The following ZNF732 variants were observed in gnomAD, a reference collection of about 807,000 sequenced individuals.
ZNF732 encodes zinc finger protein 732.
A neutral mutation model predicts 11.5 loss-of-function variants in ZNF732; 12 were observed. The observed-to-expected ratio is 1.05, with a 90% CI of 0.67 to 1.70. ZNF732 has a LOEUF of 1.70. Among genes scored for constraint, ZNF732 ranks in the 40% most tolerant of loss-of-function variants. The pLI, the probability that ZNF732 is intolerant of heterozygous loss-of-function variation, is 0.00. For missense variants in ZNF732, 702 were observed against 676.9 expected (o/e 1.04, Z -0.41); for synonymous variants, 231 against 236.5 (o/e 0.98, Z 0.21).
chr4:290,593 C>T (rs1456631702), intron 3 of ZNF732, among the ~76,000 whole-genome samples: 3 of 152,212 alleles, frequency 2.0e-5, no homozygotes, highest in Non-Finnish European at 4.4e-5. Flanking sequence ...CACAGAGAGA[C>T]CTGTAAAAAC....
rs782358525 is a variant in ZNF732, at chr4:271,851, A to T, written c.1006T>A (p.Cys336Ser). 3 of 1,613,664 alleles carry T rather than the reference A, an allele frequency of 1.9e-6. No homozygotes were observed. The Admixed American group carries it at 5.0e-5, about 27-fold the overall frequency. Reference sequence around the variant, plus strand: ...CTAAAGGCTTTGCCACATTCTTCACATGTGTAGGGTTTCTCTCCAGTATGA... The same window carrying T: ...CTAAAGGCTTTGCCACATTCTTCACTTGTGTAGGGTTTCTCTCCAGTATGA... Reference protein sequence around the residue: ...RIHTGEKPYTCEECGKAFSRS... With the variant: ...RIHTGEKPYTSEECGKAFSRS... Residue 336 changes from cysteine (C) to serine (S), a missense_variant, in exon 4 of 4, where the codon TGT (cysteine) becomes AGT (serine). By Grantham distance (112) the Cys-to-Ser change is moderately radical. Coordinates refer to ENST00000419098, the MANE Select transcript of ZNF732 (RefSeq NM_001137608.3).
At chr4:294,507 G>A (rs1415849409) in intron 3 of ZNF732, among the ~76,000 whole-genome samples, 1 of 152,144 alleles carries the variant, frequency 6.6e-6, no homozygotes, top group African/African-American at 2.4e-5. Context: ...AAGAAATAAG[G>A]TAATGATTGA....
intron 1 of ZNF732, among the ~76,000 whole-genome samples, chr4:303,715 G>A (rs782234917): frequency 6.6e-6 from 1 of 152,214 alleles, no homozygotes; most frequent in African/African-American, 2.4e-5. Context: ...ATTAAGCCGC[G>A]TCTAATTTGG....
chr4:272,719 TTAG>T, intron 3 of ZNF732, 89 bp from the exon 4 acceptor site: 3 of 1,225,614 alleles, frequency 2.4e-6, no homozygotes, highest in Non-Finnish European at 1.1e-6. Flanking sequence ...ACAAAGTACA[TTAG>T]TAAGATGGCA....
intron 3 of ZNF732, among the ~76,000 whole-genome samples, chr4:289,706 G>A (rs1024208689): frequency 7.2e-5 from 11 of 152,116 alleles, no homozygotes; most frequent in Non-Finnish European, 1.5e-4. Context: ...AGATTGAACT[G>A]CAATGGATAA....
chr4:274,800 TAAAC>T, intron 3 of ZNF732, among the ~76,000 whole-genome samples: 1 of 151,760 alleles, frequency 6.6e-6, no homozygotes, highest in African/African-American at 2.4e-5. Flanking sequence ...AGAAGGACAT[TAAAC>T]AATAATAATA....
intron 1 of ZNF732, among the ~76,000 whole-genome samples, chr4:299,384 C>T (rs1467142728): frequency 1.6e-5 from 1 of 61,654 alleles, no homozygotes; most frequent in African/African-American, 5.0e-5. Context: ...TATATATATA[C>T]ACATATGTAC....
At chr4:281,615 C>A (rs1271781337) in intron 3 of ZNF732, among the ~76,000 whole-genome samples, 2 of 152,178 alleles carry the variant, frequency 1.3e-5, no homozygotes, top group African/African-American at 2.4e-5. Context: ...CACTGCAAAC[C>A]CAGTAGTAGC....
intron 3 of ZNF732, among the ~76,000 whole-genome samples, chr4:291,374 C>A (rs1351693498): frequency 6.6e-6 from 1 of 152,028 alleles, no homozygotes; most frequent in Non-Finnish European, 1.5e-5. Context: ...AACCAATATA[C>A]CTAGCCCAAC....
chr4:298,469 G>A (rs1402835917), intron 1 of ZNF732, among the ~76,000 whole-genome samples: 2 of 151,950 alleles, frequency 1.3e-5, no homozygotes, highest in Admixed American at 6.6e-5. Flanking sequence ...ACAAACCAAG[G>A]AGATTCTTTG....
intron 1 of ZNF732, among the ~76,000 whole-genome samples, chr4:299,401 GTGTATATATATATACACATATATA>G (rs1720039095): frequency 2.5e-5 from 1 of 39,252 alleles, no homozygotes; most frequent in Non-Finnish European, 7.2e-5. Context: ...GTACACATAT[GTGTATATATATATACACATATATA>G]CACATATGTG....
At chr4:278,177 G>A (rs183034758) in intron 3 of ZNF732, among the ~76,000 whole-genome samples, 519 of 152,240 alleles carry the variant, frequency 3.4e-3, no homozygotes, top group Non-Finnish European at 5.0e-3. Context: ...AAACATTTAT[G>A]AGGAAGGCTT....
chr4:287,073 C>T (rs2108656515), intron 3 of ZNF732, among the ~76,000 whole-genome samples: 1 of 152,154 alleles, frequency 6.6e-6, no homozygotes, highest in Non-Finnish European at 1.5e-5. Context: ...ATGGCGTGAA[C>T]CCGGGAGGCG....
At chr4:280,996 G>A (rs940388756) in intron 3 of ZNF732, among the ~76,000 whole-genome samples, 1 of 152,098 alleles carries the variant, frequency 6.6e-6, no homozygotes, top group Non-Finnish European at 1.5e-5. Context: ...CCGAATGTAG[G>A]CTTGCCAATA....
intron 3 of ZNF732, among the ~76,000 whole-genome samples, chr4:287,961 T>G (rs956848400): frequency 2.0e-5 from 3 of 152,174 alleles, no homozygotes; most frequent in African/African-American, 7.2e-5. Context: ...TTTTTTTGCT[T>G]TATATTGGCC....
intron 3 of ZNF732, among the ~76,000 whole-genome samples, chr4:283,636 G>A (rs1386290887): frequency 1.3e-5 from 2 of 151,866 alleles, no homozygotes; most frequent in Admixed American, 6.6e-5. Context: ...TAAAAGAAAT[G>A]GAGAAACAGA....
At chr4:282,889 CAG>C (rs1360268828) in intron 3 of ZNF732, among the ~76,000 whole-genome samples, 2 of 151,468 alleles carry the variant, frequency 1.3e-5, no homozygotes, top group African/African-American at 4.9e-5. Context: ...AAAGAAAAAA[CAG>C]AAATTACTAA....
At chr4:289,558 G>A (rs1553841080) in intron 3 of ZNF732, among the ~76,000 whole-genome samples, 1 of 152,178 alleles carries the variant, frequency 6.6e-6, no homozygotes, top group African/African-American at 2.4e-5. Flanking sequence ...GTACATCTCA[G>A]TTCATAAAGC....
intron 3 of ZNF732, among the ~76,000 whole-genome samples, chr4:277,965 C>T (rs782581108): frequency 1.3e-5 from 2 of 152,064 alleles, no homozygotes; most frequent in Non-Finnish European, 2.9e-5. Flanking sequence ...CCAAGGTATT[C>T]GATCAATCCA....
Sources: allele counts gnomAD v4.1 joint callset (sites outside exome capture counted in the v4.1 genomes callset), GRCh38; gene constraint gnomAD v4.1.1; transcripts MANE v1.5; gene names NCBI Gene and HGNC (gene_info 2026-07-23, HGNC 2026-07-21).